PLEKHM2: variants seen among roughly 807,000 people sequenced by gnomAD.
The protein encoded by PLEKHM2 is pleckstrin homology domain-containing family M member 2.
PLEKHM2 carries 77 observed loss-of-function variants against 116.3 expected under a neutral mutation model. That is an observed-to-expected ratio of 0.66 (90% CI 0.55 to 0.80). The LOEUF (loss-of-function observed/expected upper bound fraction) is 0.80, where lower values mean the gene tolerates loss of function less well. Ranked by LOEUF, PLEKHM2 falls within the 30% of genes least tolerant of loss-of-function variation. The pLI is 0.00. For missense variants in PLEKHM2, 1,183 were observed against 1,354.9 expected (o/e 0.87, Z 1.99); for synonymous variants, 562 against 571.0 (o/e 0.98, Z 0.22).
In PLEKHM2 at chr1:15,701,812, C is replaced by A. The variant is rs1189932240; in HGVS notation, c.61-14425C>A. The stretch of plus-strand genomic sequence containing the variant: ...TCTCAAAAAAGAAAAGAAAAAAGAC[C>A]CCAGCCTGCCTGCCTCACTTGTTTG... On this transcript the variant is annotated intron_variant, in intron 1 of 19. Transcript: ENST00000375799. Among the ~76,000 whole-genome samples the A allele has an allele frequency of 2.6e-5, 4 of 152,092 alleles. No individual in the cohort carries two copies. The East Asian group carries it at 7.7e-4, about 29-fold the overall frequency.
intron 1 of PLEKHM2, among the ~76,000 whole-genome samples, chr1:15,694,087 C>T (rs960082110): frequency 6.6e-6 from 1 of 152,268 alleles, no homozygotes; most frequent in East Asian, 1.9e-4. Flanking sequence ...GGTGTGGTGG[C>T]TCATGTCTGT....
intron 1 of PLEKHM2, among the ~76,000 whole-genome samples, chr1:15,706,101 T>C (rs1641220454): frequency 6.6e-6 from 1 of 152,140 alleles, no homozygotes; most frequent in Admixed American, 6.6e-5. Context: ...CAAGAAGCTA[T>C]AGCAGCTTTG....
At chr1:15,699,538 C>T (rs1288003289) in intron 1 of PLEKHM2, among the ~76,000 whole-genome samples, 2 of 152,148 alleles carry the variant, frequency 1.3e-5, no homozygotes, top group Admixed American at 6.6e-5. Context: ...TTTTTGATGG[C>T]TGCATAGTAT....
chr1:15,728,125 G>A lies in PLEKHM2; in HGVS notation c.1807G>A (p.Glu603Lys). 6.2e-7 allele frequency: 1 copy of A among 1,611,386 alleles called. No individual in the cohort carries two copies. Among genetic ancestry groups the A allele is most frequent in the Non-Finnish European group, 8.5e-7 (1 of 1,178,794 alleles). The change falls in exon 10 of 20, where the codon GAA becomes AAA. Residue 603 changes from glutamate (E) to lysine (K), a missense_variant. Glu to Lys is a moderately conservative substitution (Grantham distance 56). Coordinates refer to ENST00000375799, the MANE Select transcript of PLEKHM2 (RefSeq NM_015164.4). This position sits in a 1 kb window ranked among gnomAD's most constrained non-coding sequence, Gnocchi z 5.9. ...CCTGCTCATGATCCACGTGTTCCGAGAAAACGAAGAGCAGCTGTTCAAAGT... is the reference window on the plus strand; with the variant it reads ...CCTGCTCATGATCCACGTGTTCCGAAAAAACGAAGAGCAGCTGTTCAAAGT... ...LLLLMIHVFRENEEQLFKMIR... is the reference protein window; with the variant it reads ...LLLLMIHVFRKNEEQLFKMIR...
At chr1:15,700,847 C>T (rs1454235962) in intron 1 of PLEKHM2, among the ~76,000 whole-genome samples, 4 of 152,206 alleles carry the variant, frequency 2.6e-5, no homozygotes, top group South Asian at 2.1e-4. Context: ...GGCGCGGTGG[C>T]TCACGCCTGT....
At chr1:15,692,046 G>C (rs112653758) in intron 1 of PLEKHM2, among the ~76,000 whole-genome samples, 1 of 151,976 alleles carries the variant, frequency 6.6e-6, no homozygotes, top group East Asian at 1.9e-4. Flanking sequence ...CCAGAAGTTC[G>C]AGGCTGCAGT....
chr1:15,696,226 TC>T (rs1463700947), intron 1 of PLEKHM2, among the ~76,000 whole-genome samples: 3 of 152,240 alleles, frequency 2.0e-5, no homozygotes, highest in Non-Finnish European at 4.4e-5. Flanking sequence ...TCTTGCTCTT[TC>T]CCATTTCTCT....
chr1:15,721,231 T>C lies in PLEKHM2; in HGVS notation c.653-98T>C, dbSNP rs12734937. On this transcript the variant is annotated intron_variant, in intron 6 of 19. Coordinates refer to ENST00000375799, the MANE Select transcript of PLEKHM2 (RefSeq NM_015164.4). This position sits in a 1 kb window ranked among gnomAD's most constrained non-coding sequence, Gnocchi z 5.1. The stretch of plus-strand genomic sequence containing the variant: ...AAGTTGAAGTTTTCCTCTCCTATTT[T>C]CTCCCCATGTCTCCCACCCCATTTC... 0.25 allele frequency: 179,197 copies of C among 702,826 alleles called. 30,864 individuals carry two copies. Among genetic ancestry groups the C allele is most frequent in the African/African-American group, 0.67 (36,927 of 54,752 alleles). 43.5% of individuals were successfully genotyped at this position (702,826 alleles called of 1,614,324 possible).
chr1:15,692,979 TC>T (rs1238232593), intron 1 of PLEKHM2, among the ~76,000 whole-genome samples: 4 of 151,526 alleles, frequency 2.6e-5, no homozygotes, highest in Non-Finnish European at 5.9e-5. Context: ...CCTCAAGTGA[TC>T]CACCTGCCTT....
chr1:15,698,343 A>G (rs543894705), intron 1 of PLEKHM2, among the ~76,000 whole-genome samples: 12 of 152,152 alleles, frequency 7.9e-5, no homozygotes, highest in Admixed American at 2.6e-4. Context: ...AGTTGGGACT[A>G]TAGGTGTGTG....
chr1:15,725,920 A>C, intron 8 of PLEKHM2: 1 of 245,638 alleles, frequency 4.1e-6, no homozygotes. Flanking sequence ...GGTCCCTTTT[A>C]TGAGGGTGCT....
chr1:15,728,335 C>G lies in PLEKHM2; in HGVS notation c.1899C>G (p.Cys633Trp). 1 of 1,612,996 alleles carries G rather than the reference C, an allele frequency of 6.2e-7. No individual in the cohort carries two copies. Among genetic ancestry groups the G allele is most frequent in the Non-Finnish European group, 8.5e-7 (1 of 1,179,762 alleles). Residue 633 changes from cysteine to tryptophan, a missense_variant, in exon 11 of 20, where the codon TGC (cysteine) becomes TGG (tryptophan). Cys to Trp is a radical substitution (Grantham distance 215). Coordinates refer to ENST00000375799, the MANE Select transcript of PLEKHM2 (RefSeq NM_015164.4). This position sits in a 1 kb window ranked among gnomAD's most constrained non-coding sequence, Gnocchi z 5.9. The stretch of plus-strand genomic sequence containing the variant: ...TGCTGTACGTGCTGCTCACAGACTG[C>G]TATGTCTACCTGCTCCGGAAAGGTG... ...LQLLYVLLTD[C>W]YVYLLRKGAT...
At position 15,729,818 on chromosome 1, in the gene PLEKHM2, G is replaced by A; in HGVS notation, c.2097G>A (p.Lys699=). 1 of 1,612,630 alleles carries A rather than the reference G, an allele frequency of 6.2e-7. No homozygotes were observed. Among genetic ancestry groups the A allele is most frequent in the Non-Finnish European group, 8.5e-7 (1 of 1,179,490 alleles). ...ALAEFFLASL[K]SAMIKGCREP... Reference sequence around the variant, plus strand: ...GCAGGTTCTTTTTGGCTTCTTTGAAGTCAGCCATGATCAAAGGCTGTCGAG... The same window carrying A: ...GCAGGTTCTTTTTGGCTTCTTTGAAATCAGCCATGATCAAAGGCTGTCGAG... The change falls in exon 14 of 20, where the codon AAG becomes AAA. Residue 699 remains lysine, a synonymous_variant. Coordinates refer to ENST00000375799, the MANE Select transcript of PLEKHM2 (RefSeq NM_015164.4). This position sits in a 1 kb window ranked among gnomAD's most constrained non-coding sequence, Gnocchi z 4.7.
chr1:15,710,144 G>A lies in PLEKHM2; in HGVS notation c.61-6093G>A, dbSNP rs576405132. On this transcript the variant is annotated intron_variant, in intron 1 of 19. Transcript: ENST00000375799. ...CGGGAGGCTGAGGCAGGAGAATGGCGTAAACCTGGGAGGCGGAGCTTGCAG... is the reference window on the plus strand; with the variant it reads ...CGGGAGGCTGAGGCAGGAGAATGGCATAAACCTGGGAGGCGGAGCTTGCAG... Among the ~76,000 whole-genome samples the A allele has an allele frequency of 6.0e-5, 9 of 149,344 alleles. No individual in the cohort carries two copies. In the South Asian group the frequency reaches 1.3e-3, roughly 22 times the overall value.
chr1:15,712,638 T>C (rs948351297), intron 1 of PLEKHM2, among the ~76,000 whole-genome samples: 1 of 151,458 alleles, frequency 6.6e-6, no homozygotes, highest in Non-Finnish European at 1.5e-5. Context: ...TATAGCATGA[T>C]CTTATTTTCC....
intron 1 of PLEKHM2, among the ~76,000 whole-genome samples, chr1:15,707,994 C>T (rs745939390): frequency 2.0e-5 from 3 of 151,558 alleles, no homozygotes; most frequent in Admixed American, 6.6e-5. Context: ...AAGTGATTCT[C>T]CTGCCTCAGC....
chr1:15,722,906 G>C (rs1020527497), intron 7 of PLEKHM2: 1 of 152,118 alleles, frequency 6.6e-6, no homozygotes, highest in African/African-American at 2.4e-5. Flanking sequence ...AGCAGGGCCT[G>C]ACCTTCCTCT....
chr1:15,705,170 CTTTTTTTTTTTT>C (rs71306988), intron 1 of PLEKHM2, among the ~76,000 whole-genome samples: 14 of 74,070 alleles, frequency 1.9e-4, no homozygotes, highest in East Asian at 3.2e-4. Context: ...ACGTAGATAT[CTTTTTTTTTTTT>C]TTTTTTTTTT....
intron 1 of PLEKHM2, among the ~76,000 whole-genome samples, chr1:15,707,684 C>A (rs1310005150): frequency 1.8e-4 from 27 of 152,162 alleles, no homozygotes; most frequent in Non-Finnish European, 1.5e-5. Context: ...AAAGCCCCTC[C>A]TGGAGCAGCT....
Sources: gnomAD v4.1 joint callset for allele counts (sites outside exome capture counted in the v4.1 genomes callset) on GRCh38, gnomAD v4.1.1 for gene constraint, Gnocchi (gnomAD v3.1) non-coding constraint, MANE v1.5 for transcripts, NCBI Gene and HGNC (gene_info 2026-07-23, HGNC 2026-07-21) for gene names.